Variants in MELTF observed in about 807,000 individuals in gnomAD.
MELTF encodes antigen p97 (melanoma associated) identified by monoclonal antibodies 133.2 and 96.5.
MELTF carries 67 observed loss-of-function variants against 83.7 expected under a neutral mutation model. That is an observed-to-expected ratio of 0.80 (90% CI 0.66 to 0.98). MELTF has a LOEUF of 0.98. Ranked by LOEUF, MELTF falls within the 50% of genes least tolerant of loss-of-function variation. The pLI is 0.00. For synonymous variants in MELTF, 462 were observed against 447.6 expected, an observed-to-expected ratio of 1.03 and a Z score of -0.41; for missense variants, 1,002 against 1,035.6, an observed-to-expected ratio of 0.97 and a Z score of 0.44.
In MELTF at chr3:197,002,750, G is replaced by T. The variant is rs942448329; in HGVS notation, c.*622C>A. 1 of 152,252 alleles carries T rather than the reference G, an allele frequency of 6.6e-6. No homozygotes were observed. The highest frequency in any genetic ancestry group is 1.5e-5 in the Non-Finnish European group (1 of 68,082). 9.4% of individuals were successfully genotyped at this position (152,252 alleles called of 1,614,324 possible). ...AGCTGGCGCGGCCACAGTGGGGGAC[G>T]AGGCAGGGCACGCGGCGTTCCCCGG... On this transcript the variant is annotated 3_prime_UTR_variant, in exon 16 of 16. Coordinates refer to ENST00000296350, the MANE Select transcript of MELTF (RefSeq NM_005929.6).
In MELTF at chr3:197,029,740, G is replaced by A. The variant is rs1470723988; in HGVS notation, c.-38C>T. On this transcript the variant is annotated 5_prime_UTR_variant, in exon 1 of 16. Coordinates refer to ENST00000296350, the MANE Select transcript of MELTF (RefSeq NM_005929.6). The surrounding 1 kb of genome is among the most constrained non-coding windows in gnomAD (Gnocchi z 6.5). ...GCTGGCTGGGGCCGGGCTGGGGCTGGGTCCGGGTCCGAGGAGGTCCGCAGC... is the reference window on the plus strand; with the variant it reads ...GCTGGCTGGGGCCGGGCTGGGGCTGAGTCCGGGTCCGAGGAGGTCCGCAGC... 3.3e-6 allele frequency: 4 copies of A among 1,221,380 alleles called. No individual in the cohort carries two copies. Among genetic ancestry groups the A allele is most frequent in the East Asian group, 6.3e-5 (2 of 31,566 alleles). The allele number at this position is 1,221,380 out of a possible 1,614,324, so 75.7% of individuals were successfully genotyped here.
Position 197,016,220 on chromosome 3 carries a change from G to A in MELTF, c.1050C>T (p.His350=), listed in dbSNP as rs748081153. The A allele has an allele frequency of 3.2e-5, 51 of 1,593,224 alleles. No individual in the cohort carries two copies. Among genetic ancestry groups the A allele is most frequent in the South Asian group, 1.1e-4 (10 of 87,410 alleles). The part of the protein sequence containing the change: ...YEAWLGHEYL[H]AMKGLLCDPN... ...GGTCACAGAGCAGACCCTTCATGGC[G>A]TGCAGGTACTCATGGCCCAGCCACG... The change falls in exon 8 of 16, where the codon CAC becomes CAT. Residue 350 remains histidine, a synonymous_variant. Transcript: ENST00000296350.
rs557173548 is a variant in MELTF at position 197,006,056 on chromosome 3, T to C, written c.1938+493A>G. 1.3e-5 allele frequency among the ~76,000 whole-genome samples: 2 copies of C among 151,992 alleles called. No individual in the cohort carries two copies. The highest frequency in any genetic ancestry group is 4.8e-5 in the African/African-American group (2 of 41,452). ...TAACACGGTGAAACCCCTTCTCTAC[T>C]AAAAAATAGAAAAAATTAGCCAGGC... On this transcript the variant is annotated intron_variant, in intron 14 of 15. Transcript: ENST00000296350. The surrounding 1 kb of genome is among the most constrained non-coding windows in gnomAD (Gnocchi z 5.4).
intron 2 of MELTF, 138 bp downstream of exon 2, chr3:197,027,618 G>T: frequency 8.6e-7 from 1 of 1,168,416 alleles, no homozygotes. Flanking sequence ...TGGCCTCGTG[G>T]CCAGGGAGAC....
intron 2 of MELTF, among the ~76,000 whole-genome samples, chr3:197,027,436 A>C (rs1719900382): frequency 6.6e-6 from 1 of 152,258 alleles, no homozygotes; most frequent in African/African-American, 2.4e-5. Flanking sequence ...CCCCATGGCA[A>C]GATGAGCAAG....
Position 197,003,241 on chromosome 3 carries a change from G to C in MELTF, c.*131C>G. ...CCAGGTGGCGCCCGTGGGCGGCGGG[G>C]CTCCCGGGGAGGCGCCTGCTCCCGC... On this transcript the variant is annotated 3_prime_UTR_variant, in exon 16 of 16. Coordinates refer to ENST00000296350, the MANE Select transcript of MELTF (RefSeq NM_005929.6). This position sits in a 1 kb window ranked among gnomAD's most constrained non-coding sequence, Gnocchi z 6.2. 1.0e-6 allele frequency: 1 copy of C among 976,190 alleles called. No individual in the cohort carries two copies. The highest frequency in any genetic ancestry group is 1.2e-6 in the Non-Finnish European group (1 of 814,494). 60.5% of individuals were successfully genotyped at this position (976,190 alleles called of 1,614,324 possible).
rs1190312042 is a variant in MELTF at position 197,015,457 on chromosome 3, C to T, written c.1141G>A (p.Asp381Asn). The T allele has an allele frequency of 1.2e-6, 2 of 1,610,218 alleles. No individual in the cohort carries two copies. The highest frequency in any genetic ancestry group is 2.2e-5 in the South Asian group (2 of 90,184). The change falls in exon 9 of 16, where the codon GAC (aspartate) becomes AAC (asparagine). Residue 381 changes from aspartate to asparagine, a missense_variant. Physicochemically the swap from Asp to Asn is conservative, Grantham distance 23. Coordinates refer to ENST00000296350, the MANE Select transcript of MELTF (RefSeq NM_005929.6). ...TGCCGGCGGAAGGCCACGGCCATGT[C>T]TCCACACTTCTGGATCTCGGGAGTG... ...LSTPEIQKCG[D>N]MAVAFRRQRL...
chr3:197,016,578 C>T (rs947833754), intron 7 of MELTF, among the ~76,000 whole-genome samples: 4 of 152,210 alleles, frequency 2.6e-5, no homozygotes, highest in African/African-American at 9.7e-5. Context: ...ACTCTGAGTT[C>T]ATTTGGCCTC....
At chr3:197,017,009 G>A in intron 7 of MELTF, 94 bp downstream of exon 7, 1 of 1,358,238 alleles carries the variant, frequency 7.4e-7, no homozygotes, top group Non-Finnish European at 1.0e-6. Flanking sequence ...ACAGTCTCTG[G>A]GTCCTGCCCC....
intron 3 of MELTF, chr3:197,026,398 C>T (rs1427363450): frequency 2.9e-5 from 14 of 480,532 alleles, no homozygotes; most frequent in East Asian, 3.3e-5. Context: ...CGGGACAGCC[C>T]GCAGTAAGAG....
intron 14 of MELTF, among the ~76,000 whole-genome samples, chr3:197,005,180 G>C (rs115742468): frequency 0.021 from 3,127 of 152,322 alleles, 33 homozygotes; most frequent in Non-Finnish European, 0.032. Context: ...TAAATTCTAG[G>C]TATATTTTGA....
Position 197,026,766 on chromosome 3 carries a change from G to A in MELTF, c.205-7C>T, listed in dbSNP as rs755727620. 50 of 1,610,542 alleles carry A rather than the reference G, an allele frequency of 3.1e-5. No individual in the cohort carries two copies. The highest frequency in any genetic ancestry group is 5.3e-5 in the African/African-American group (4 of 74,950). ...TGGCGTCAGCCTCCTGGGCCTGCAA[G>A]GAAATGTGGCTCAGCCAAGCCTGGC... On this transcript the variant is annotated splice_polypyrimidine_tract_variant and splice_region_variant and intron_variant, in intron 2 of 15. Coordinates refer to ENST00000296350, the MANE Select transcript of MELTF (RefSeq NM_005929.6).
At chr3:197,010,236 C>T (rs1013197521) in intron 10 of MELTF, among the ~76,000 whole-genome samples, 2 of 152,162 alleles carry the variant, frequency 1.3e-5, no homozygotes, top group African/African-American at 4.8e-5. Context: ...GGACAGAGGC[C>T]AAAGCCCCAG....
chr3:197,009,943 G>A, intron 10 of MELTF, 131 bp from the exon 11 acceptor site: 1 of 852,890 alleles, frequency 1.2e-6, no homozygotes, highest in Non-Finnish European at 1.8e-6. Flanking sequence ...GAGTACCCAG[G>A]CCTGAGGCCA....
intron 9 of MELTF, 68 bp downstream of exon 9, chr3:197,015,297 A>G (rs747439233): frequency 2.9e-5 from 42 of 1,470,420 alleles, no homozygotes; most frequent in African/African-American, 4.2e-5. Flanking sequence ...GGGTGTGGGT[A>G]GTAAGAACTG....
chr3:197,002,466 C>T lies in MELTF; in HGVS notation c.*906G>A, dbSNP rs1718773950. 6.6e-6 allele frequency: 1 copy of T among 152,248 alleles called. No individual in the cohort carries two copies. Among genetic ancestry groups the T allele is most frequent in the African/African-American group, 2.4e-5 (1 of 41,434 alleles). The allele number at this position is 152,248 out of a possible 1,614,324, so 9.4% of individuals were successfully genotyped here. On this transcript the variant is annotated 3_prime_UTR_variant, in exon 16 of 16. Transcript: ENST00000296350. ...ACGGGGAGTGAGGGGTCCCCAGGCC[C>T]AGCGGGTGCGGGGCCGGGTGAGGAG... is the stretch of plus-strand genomic sequence containing the variant.
In MELTF at chr3:197,006,195, TG is replaced by T. The variant is rs369519874; in HGVS notation, c.1938+353del. On this transcript the variant is annotated intron_variant, in intron 14 of 15. Transcript: ENST00000296350. The surrounding 1 kb of genome is among the most constrained non-coding windows in gnomAD (Gnocchi z 5.4). ...GAGATAGTGCCACTGCACTCCAGCCTGGGGCGACAGAGTAAGACTCCGTCTC... is the reference window on the plus strand; with the variant it reads ...GAGATAGTGCCACTGCACTCCAGCCTGGGCGACAGAGTAAGACTCCGTCTC... 4.5e-4 allele frequency among the ~76,000 whole-genome samples: 68 copies of T among 150,872 alleles called. No homozygotes were observed. The highest frequency in any genetic ancestry group is 1.6e-3 in the African/African-American group (64 of 40,944).
chr3:197,005,050 C>T (rs6793175), intron 14 of MELTF, among the ~76,000 whole-genome samples: 30,877 of 152,098 alleles, frequency 0.2, 3,151 homozygotes, highest in Middle Eastern at 0.32. Flanking sequence ...ACAGGCCTGG[C>T]GAGCCAGCCA....
chr3:197,009,054 A>C (rs1719086741), intron 11 of MELTF, 89 bp from the exon 12 acceptor site: 2 of 1,490,992 alleles, frequency 1.3e-6, no homozygotes, highest in Admixed American at 1.8e-5. Context: ...AGGTCTGCCC[A>C]CCCCCCGGAT....
Sources: allele counts gnomAD v4.1 joint callset (sites outside exome capture counted in the v4.1 genomes callset), GRCh38; gene constraint gnomAD v4.1.1; non-coding constraint Gnocchi (gnomAD v3.1); transcripts MANE v1.5; gene names NCBI Gene and HGNC (gene_info 2026-07-23, HGNC 2026-07-21).